TRPC4: variants seen among roughly 807,000 people sequenced by gnomAD.
TRPC4 encodes the protein transient receptor potential cation channel subfamily C member 4.
In TRPC4, 49 loss-of-function variants were observed where a neutral mutation model predicts 99.4. The observed-to-expected ratio is 0.49, with a 90% CI of 0.39 to 0.63. TRPC4 has a LOEUF of 0.63. Among genes scored for constraint, TRPC4 ranks in the 20% least tolerant of loss-of-function variants. The probability of loss-of-function intolerance (pLI) is 0.00; values close to 1 mark genes in which losing one functional copy is unlikely to be tolerated. For synonymous variants in TRPC4, 454 were observed against 425.9 expected (o/e 1.07, Z -0.81); for missense variants, 898 against 1,152.9 (o/e 0.78, Z 3.20).
intron 3 of TRPC4, among the ~76,000 whole-genome samples, chr13:37,723,058 C>T (rs1182510943): frequency 6.6e-6 from 1 of 152,146 alleles, no homozygotes; most frequent in African/African-American, 2.4e-5. Context: ...CATAAAAATA[C>T]ACAGTGGCCA....
At chr13:37,753,418 A>G (rs577788853) in intron 2 of TRPC4, among the ~76,000 whole-genome samples, 65 of 152,210 alleles carry the variant, frequency 4.3e-4, no homozygotes, top group African/African-American at 1.5e-3. Flanking sequence ...TATATTTTGA[A>G]GAATACATTA....
intron 4 of TRPC4, among the ~76,000 whole-genome samples, chr13:37,689,965 T>C (rs973949751): frequency 6.6e-6 from 1 of 152,244 alleles, no homozygotes; most frequent in African/African-American, 2.4e-5. Flanking sequence ...CACATTTTCA[T>C]TGATGGTATC....
chr13:37,777,261 G>A (rs1310725737), intron 2 of TRPC4, among the ~76,000 whole-genome samples: 5 of 151,896 alleles, frequency 3.3e-5, no homozygotes, highest in African/African-American at 9.7e-5. Context: ...TTGACTCACA[G>A]TTCCACAGGC....
chr13:37,789,942 A>G (rs1957071701), intron 1 of TRPC4, among the ~76,000 whole-genome samples: 1 of 152,160 alleles, frequency 6.6e-6, no homozygotes, highest in Non-Finnish European at 1.5e-5. Flanking sequence ...ATCTTATAAC[A>G]GAAGAAGTAG....
intron 5 of TRPC4, among the ~76,000 whole-genome samples, chr13:37,666,319 T>A (rs1231057958): frequency 6.6e-6 from 1 of 152,180 alleles, no homozygotes; most frequent in Non-Finnish European, 1.5e-5. Flanking sequence ...ACAGGGTACA[T>A]CTGGCTATTA....
At chr13:37,642,799 C>T (rs555202052) in intron 8 of TRPC4, among the ~76,000 whole-genome samples, 3 of 150,132 alleles carry the variant, frequency 2.0e-5, no homozygotes, top group Non-Finnish European at 3.0e-5. Flanking sequence ...GCAATGATCT[C>T]GGCACACTGC....
chr13:37,667,556 C>T (rs776039946), intron 5 of TRPC4, among the ~76,000 whole-genome samples: 3 of 152,202 alleles, frequency 2.0e-5, no homozygotes, highest in Non-Finnish European at 4.4e-5. Context: ...GGTCTGCCCG[C>T]CTGGGCCTCA....
chr13:37,758,326 T>C (rs935988903), intron 2 of TRPC4, among the ~76,000 whole-genome samples: 1 of 151,908 alleles, frequency 6.6e-6, no homozygotes, highest in Admixed American at 6.6e-5. Context: ...TTTTTAGCTA[T>C]CATTCATTAT....
At chr13:37,828,205 A>G (rs1030068616) in intron 1 of TRPC4, among the ~76,000 whole-genome samples, 1 of 152,202 alleles carries the variant, frequency 6.6e-6, no homozygotes, top group African/African-American at 2.4e-5. Flanking sequence ...CCGGTACCTC[A>G]GATGGAAATG....
intron 3 of TRPC4, among the ~76,000 whole-genome samples, chr13:37,725,150 A>T (rs963659890): frequency 1.3e-5 from 2 of 152,184 alleles, no homozygotes; most frequent in African/African-American, 4.8e-5. Context: ...TGAAGAAAAA[A>T]TTAGTGAACT....
chr13:37,738,412 TGA>T (rs1955469848), intron 3 of TRPC4, among the ~76,000 whole-genome samples: 1 of 152,194 alleles, frequency 6.6e-6, no homozygotes, highest in African/African-American at 2.4e-5. Context: ...CTTCTCTCCC[TGA>T]GAGAGTCAAG....
intron 3 of TRPC4, among the ~76,000 whole-genome samples, chr13:37,706,852 C>T (rs1954298645): frequency 6.6e-6 from 1 of 152,040 alleles, no homozygotes. Context: ...TTCAGAGTAA[C>T]GTGTTTTTAT....
intron 3 of TRPC4, among the ~76,000 whole-genome samples, chr13:37,723,302 C>T (rs1427004522): frequency 6.6e-6 from 1 of 152,032 alleles, no homozygotes. Context: ...GATATTCATA[C>T]TCTATAAGGG....
At chr13:37,841,056 T>C (rs1282979224) in intron 1 of TRPC4, among the ~76,000 whole-genome samples, 1 of 152,120 alleles carries the variant, frequency 6.6e-6, no homozygotes, top group Non-Finnish European at 1.5e-5. Context: ...TGATGCATTC[T>C]CAATACTTTT....
chr13:37,847,827 A>T (rs150010683), intron 1 of TRPC4, among the ~76,000 whole-genome samples: 4 of 152,242 alleles, frequency 2.6e-5, no homozygotes, highest in African/African-American at 9.6e-5. Flanking sequence ...GTGGACTCAT[A>T]AAGTTGAACT....
chr13:37,808,673 T>G (rs749356123), intron 1 of TRPC4, among the ~76,000 whole-genome samples: 9 of 152,000 alleles, frequency 5.9e-5, no homozygotes, highest in Non-Finnish European at 1.2e-4. Context: ...GTGCTCCAAG[T>G]AAGGGAAATA....
intron 1 of TRPC4, among the ~76,000 whole-genome samples, chr13:37,816,405 G>T (rs550877738): frequency 2.6e-5 from 4 of 151,922 alleles, no homozygotes; most frequent in South Asian, 4.1e-4. Context: ...GATATCTACA[G>T]AACTCTCCAG....
At position 37,634,884 on chromosome 13, in the gene TRPC4, C is replaced by A. The variant is rs1053526307; in HGVS notation, c.*2019G>T. 3.9e-5 allele frequency among the ~76,000 whole-genome samples: 6 copies of A among 152,034 alleles called. No homozygotes were observed. The highest frequency in any genetic ancestry group is 1.2e-4 in the African/African-American group (5 of 41,424). ...AAAGGTGTTCTTGAAACAGTAAATG[C>A]ATTCATTTAGGCTTGTGTTTCTCCA... On this transcript the variant is annotated 3_prime_UTR_variant, in exon 11 of 11. Transcript: ENST00000379705.
At chr13:37,795,023 A>G (rs1251880152) in intron 1 of TRPC4, among the ~76,000 whole-genome samples, 2 of 152,138 alleles carry the variant, frequency 1.3e-5, no homozygotes, top group African/African-American at 4.8e-5. Flanking sequence ...GATGCAATTA[A>G]TTTGGCTATT....
Sources: gnomAD v4.1 joint callset for allele counts (sites outside exome capture counted in the v4.1 genomes callset) on GRCh38, gnomAD v4.1.1 for gene constraint, MANE v1.5 for transcripts, NCBI Gene and HGNC (gene_info 2026-07-23, HGNC 2026-07-21) for gene names.